Variants in TRIM37 observed in about 807,000 individuals in gnomAD.
TRIM37 encodes tripartite motif containing 37, also known as E3 ubiquitin-protein ligase TRIM37.
TRIM37 carries 80 observed loss-of-function variants against 129.8 expected under a neutral mutation model. That is an observed-to-expected ratio of 0.62 (90% CI 0.51 to 0.74). The LOEUF is 0.74. Ranked by LOEUF, TRIM37 falls within the 30% of genes least tolerant of loss-of-function variation. TRIM37 has a pLI of 0.00. For missense variants in TRIM37, 1,054 were observed against 1,176.5 expected, an observed-to-expected ratio of 0.90 and a Z score of 1.52; for synonymous variants, 389 against 387.1, an observed-to-expected ratio of 1.00 and a Z score of -0.06.
chr17:59,028,776 C>A, intron 18 of TRIM37, 53 bp from the exon 19 acceptor site: 1 of 1,588,066 alleles, frequency 6.3e-7, no homozygotes, highest in South Asian at 1.1e-5. Flanking sequence ...TTAATGAAAT[C>A]ATTTGTACCA....
In TRIM37 at chr17:59,018,412, G is replaced by A. The variant is rs181642572; in HGVS notation, c.2258-988C>T. On this transcript the variant is annotated intron_variant, in intron 19 of 23. Transcript: ENST00000262294. ...AATAGGTAATAAACAGGTTTAGCAT[G>A]GTTGCAGGATATAAGACAAAATAAC... is the stretch of plus-strand genomic sequence containing the variant. Among the ~76,000 whole-genome samples the A allele has an allele frequency of 3.7e-4, 57 of 152,166 alleles. No individual in the cohort carries two copies. In the East Asian group the frequency reaches 0.01, roughly 28 times the overall value.
In TRIM37 at chr17:59,012,366, G is replaced by A; in HGVS notation, c.2657C>T (p.Pro886Leu). The stretch of plus-strand genomic sequence containing the variant: ...AGCTGAAGCTCCTTCAGGTAGTACA[G>A]GCTGTAACTCTCCAGTTTCAGAATT... ...ENNSETGELQ[P>L]VLPEGASAAP... Residue 886 changes from proline (P) to leucine (L), a missense_variant, in exon 22 of 24, where the codon CCT becomes CTT. Around this residue, in one of 3 missense-constraint regions of TRIM37, gnomAD observed 287 missense variants for 274.3 expected, o/e 1.05. Coordinates refer to ENST00000262294, the MANE Select transcript of TRIM37 (RefSeq NM_015294.6). The A allele has an allele frequency of 6.2e-7, 1 of 1,612,976 alleles. No homozygotes were observed. The highest frequency in any genetic ancestry group is 8.5e-7 in the Non-Finnish European group (1 of 1,179,704).
At chr17:59,001,518 T>TAGC in intron 23 of TRIM37, 80 bp downstream of exon 23, 1 of 1,569,846 alleles carries the variant, frequency 6.4e-7, no homozygotes. Context: ...AAAGTAGAAG[T>TAGC]AGCAGCAGCA....
chr17:58,998,055 T>A (rs938517350), downstream of TRIM37: 1 of 270,748 alleles, frequency 3.7e-6, no homozygotes, highest in African/African-American at 2.3e-5. Flanking sequence ...AATTTTAGAA[T>A]GACTGGGATC....
intron 19 of TRIM37, among the ~76,000 whole-genome samples, chr17:59,018,028 T>C (rs926984688): frequency 1.3e-5 from 2 of 152,162 alleles, no homozygotes; most frequent in African/African-American, 4.8e-5. Context: ...CGTCAAACAT[T>C]TGGAAATTAT....
chr17:59,024,025 C>T lies in TRIM37; in HGVS notation c.2257+4390G>A, dbSNP rs1334835435. Reference sequence around the variant, plus strand: ...GGTCAGGAGTTCAAGACCAGCCTGACGAATATGATGAAACCCCGTCTCTAC... The same window carrying T: ...GGTCAGGAGTTCAAGACCAGCCTGATGAATATGATGAAACCCCGTCTCTAC... On this transcript the variant is annotated intron_variant, in intron 19 of 23. Transcript: ENST00000262294. Among the ~76,000 whole-genome samples the T allele has an allele frequency of 4.6e-5, 7 of 151,788 alleles. No homozygotes were observed. The East Asian group carries it at 9.7e-4, about 21-fold the overall frequency.
At chr17:58,967,835 C>T in the TRIM37 span, among the ~76,000 whole-genome samples, 2 of 149,502 alleles carry the variant, frequency 1.3e-5, no homozygotes, top group Admixed American at 1.3e-4. Flanking sequence ...GAGTCTCGCT[C>T]GCTCTGTCTC....
At chr17:58,981,034 T>C (rs1331819009), downstream of TRIM37, 2 of 1,574,896 alleles carry the variant, frequency 1.3e-6, no homozygotes, top group Non-Finnish European at 1.7e-6. Context: ...TAGAATAATT[T>C]TTCTTTCAAG....
the TRIM37 span, among the ~76,000 whole-genome samples, chr17:58,970,583 T>C: frequency 6.6e-6 from 1 of 152,208 alleles, no homozygotes; most frequent in Non-Finnish European, 1.5e-5. Context: ...AGCATAGTTA[T>C]GCTACAAGCA....
rs966069051 is a variant in TRIM37, at chr17:59,017,481, T to C, written c.2258-57A>G. On this transcript the variant is annotated intron_variant, in intron 19 of 23. Transcript: ENST00000262294. ...GGCTACTACAGCACAAAACTCACTA[T>C]TTAGTCTGTCAGAAAAAGTTTTAAT... 7 of 1,612,542 alleles carry C rather than the reference T, an allele frequency of 4.3e-6. No homozygotes were observed. The Admixed American group carries it at 8.3e-5, about 19-fold the overall frequency.
At chr17:58,980,799 A>G (rs1040019991), downstream of TRIM37, 14 of 1,614,096 alleles carry the variant, frequency 8.7e-6, no homozygotes, top group African/African-American at 1.3e-5. The surrounding 1 kb of genome is among the most constrained non-coding windows in gnomAD (Gnocchi z 4.7). Flanking sequence ...AAGAAGTGGC[A>G]CAGATTCAGG....
intron 19 of TRIM37, among the ~76,000 whole-genome samples, chr17:59,022,068 T>C (rs113642214): frequency 5.3e-5 from 8 of 152,186 alleles, no homozygotes; most frequent in African/African-American, 9.6e-5. Flanking sequence ...AAATAACATA[T>C]AGTTAAAATA....
downstream of TRIM37, among the ~76,000 whole-genome samples, chr17:58,997,897 C>T (rs534888357): frequency 7.9e-5 from 12 of 152,120 alleles, 1 homozygote; most frequent in South Asian, 1.9e-3. Context: ...AGCGGTGTTC[C>T]CGACATCACC....
intron 9 of TRIM37, among the ~76,000 whole-genome samples, chr17:59,065,667 T>A (rs1176213798): frequency 1.3e-5 from 2 of 152,172 alleles, no homozygotes; most frequent in African/African-American, 4.8e-5. Context: ...TATATAAAAT[T>A]ACAAATTTCC....
intron 22 of TRIM37, among the ~76,000 whole-genome samples, chr17:59,003,053 T>C (rs2033985232): frequency 1.3e-5 from 2 of 152,166 alleles, no homozygotes; most frequent in African/African-American, 4.8e-5. Context: ...TTTTGTAATT[T>C]GTTAGTAGAC....
chr17:59,001,110 G>A (rs1567935077), intron 23 of TRIM37, among the ~76,000 whole-genome samples: 1 of 150,660 alleles, frequency 6.6e-6, no homozygotes, highest in East Asian at 2.0e-4. Context: ...CAGGAGAATC[G>A]CTTGAACCCA....
At chr17:59,037,008 G>A (rs2038591810) in intron 17 of TRIM37, among the ~76,000 whole-genome samples, 2 of 151,980 alleles carry the variant, frequency 1.3e-5, no homozygotes, top group African/African-American at 4.8e-5. Flanking sequence ...CCAACTACCT[G>A]GGAGGCTGAG....
the TRIM37 span, among the ~76,000 whole-genome samples, chr17:58,975,893 G>C: frequency 2.0e-5 from 3 of 152,178 alleles, no homozygotes; most frequent in African/African-American, 7.2e-5. Flanking sequence ...AAGGAATATG[G>C]AGGAGGGTAT....
At position 59,029,544 on chromosome 17, in the gene TRIM37, A is replaced by C. The variant is rs148805519; in HGVS notation, c.1949-821T>G. Among the ~76,000 whole-genome samples, 360 of 152,308 alleles carry C rather than the reference A, an allele frequency of 2.4e-3. 4 individuals carry two copies. The highest frequency in any genetic ancestry group is 8.3e-3 in the African/African-American group (344 of 41,542). On this transcript the variant is annotated intron_variant, in intron 18 of 23. Transcript: ENST00000262294. ...TTTACATGGTTAAGAACATGAAGTT[A>C]ATCTGACAAATGTTCACTAAATATG... is the stretch of plus-strand genomic sequence containing the variant.
Sources: allele counts gnomAD v4.1 joint callset (sites outside exome capture counted in the v4.1 genomes callset), GRCh38; gene constraint gnomAD v4.1.1; regional missense constraint gnomAD v4.1.1; non-coding constraint Gnocchi (gnomAD v3.1); transcripts MANE v1.5; gene names NCBI Gene and HGNC (gene_info 2026-07-23, HGNC 2026-07-21).